COL4A3: variants seen among roughly 807,000 people sequenced by gnomAD.
COL4A3 encodes collagen type IV alpha 3 chain, also known as collagen alpha-3(IV) chain.
In COL4A3, 135 loss-of-function variants were observed where a neutral mutation model predicts 217.4. The ratio of observed to expected loss-of-function variants is 0.62; its 90% CI spans 0.54 to 0.72. The LOEUF is 0.72. COL4A3 is among the 30% of genes least tolerant of loss of function. The pLI is 0.00. For missense variants in COL4A3, 1,868 were observed against 2,119.9 expected (o/e 0.88, Z 2.33); for synonymous variants, 690 against 736.3 (o/e 0.94, Z 1.02).
intron 50 of COL4A3, among the ~76,000 whole-genome samples, chr2:227,309,841 G>A (rs2073673597): frequency 6.6e-6 from 1 of 151,974 alleles, no homozygotes; most frequent in Admixed American, 6.6e-5. Flanking sequence ...TGCCCAGGCT[G>A]GTCTCAAACT....
At position 227,308,838 on chromosome 2, in the gene COL4A3, T is replaced by C. The variant is rs1052616472; in HGVS notation, c.4463-61T>C. ...TACATTTAAATTAGCTTCTCTCTAG[T>C]AACGATGCTGAAAATAACTTTAACT... On this transcript the variant is annotated intron_variant, in intron 48 of 51. Transcript: ENST00000396578. 4 of 1,539,288 alleles carry C rather than the reference T, an allele frequency of 2.6e-6. No individual in the cohort carries two copies. The Admixed American group carries it at 6.7e-5, about 26-fold the overall frequency.
chr2:227,203,361 A>ACC (rs1375526386), intron 1 of COL4A3, among the ~76,000 whole-genome samples: 2 of 39,694 alleles, frequency 5.0e-5, no homozygotes, highest in South Asian at 9.1e-4. Flanking sequence ...GTGTATATAT[A>ACC]CATATATGTG....
Position 227,309,224 on chromosome 2 carries a change from C to G in COL4A3, c.4661C>G (p.Pro1554Arg), listed in dbSNP as rs1221621618. 1 of 1,614,210 alleles carries G rather than the reference C, an allele frequency of 6.2e-7. No individual in the cohort carries two copies. Among genetic ancestry groups the G allele is most frequent in the South Asian group, 1.1e-5 (1 of 91,086 alleles). The change falls in exon 50 of 52, where the codon CCT (proline) becomes CGT (arginine). Residue 1554 changes from proline (P) to arginine (R), a missense_variant. By Grantham distance (103) the Pro-to-Arg change is moderately radical (BLOSUM62 -2). Coordinates refer to ENST00000396578, the MANE Select transcript of COL4A3 (RefSeq NM_000091.5). ...TACAGATGCACTGTTTGTGAAGGTC[C>G]TGCGATCGCCATAGCCGTTCACAGC... ...YISRCTVCEG[P>R]AIAIAVHSQT...
rs1553758893 is a variant in COL4A3, at chr2:227,277,450, T to TATCCCTGG, written c.2031_2038dup (p.Gly680AspfsTer70). On this transcript the variant is annotated frameshift_variant and splice_region_variant, in exon 28 of 52. Transcript: ENST00000396578. LOFTEE classifies it high-confidence loss of function. ...TGCATATGTGTATTTGTTTCTAAGG[T>TATCCCTGG]ATCCCTGGATCCCTGGGGAAATGTG... is the stretch of plus-strand genomic sequence containing the variant. The TATCCCTGG allele has an allele frequency of 1.1e-5, 17 of 1,598,702 alleles. No homozygotes were observed. The highest frequency in any genetic ancestry group is 1.4e-5 in the Non-Finnish European group (16 of 1,167,678).
chr2:227,210,222 A>G (rs1329975074), intron 1 of COL4A3, among the ~76,000 whole-genome samples: 1 of 152,246 alleles, frequency 6.6e-6, no homozygotes, highest in Non-Finnish European at 1.5e-5. Flanking sequence ...TTTAACAAGC[A>G]TTGCAAAGCT....
intron 1 of COL4A3, among the ~76,000 whole-genome samples, chr2:227,165,301 A>G (rs1052753574): frequency 6.6e-6 from 1 of 152,162 alleles, no homozygotes; most frequent in African/African-American, 2.4e-5. Flanking sequence ...TCTGGGGCTC[A>G]GTTTCTTCCT....
intron 11 of COL4A3, among the ~76,000 whole-genome samples, chr2:227,252,586 GCACA>G (rs59472907): frequency 0.17 from 24,729 of 146,080 alleles, 2,136 homozygotes; most frequent in South Asian, 0.23. Flanking sequence ...ACACACAAAT[GCACA>G]CACACACACA....
intron 1 of COL4A3, among the ~76,000 whole-genome samples, chr2:227,196,452 G>C (rs977790427): frequency 3.3e-5 from 5 of 151,116 alleles, no homozygotes; most frequent in Non-Finnish European, 5.9e-5. Context: ...CGAGTAGCTG[G>C]GACTACAGGC....
chr2:227,279,734 G>A, intron 28 of COL4A3, 59 bp from the exon 29 acceptor site: 1 of 1,217,368 alleles, frequency 8.2e-7, no homozygotes, highest in Non-Finnish European at 1.2e-6. Context: ...GAGAGTTACT[G>A]CTCAGAATAT....
intron 1 of COL4A3, among the ~76,000 whole-genome samples, chr2:227,236,230 A>G (rs1162655037): frequency 1.3e-5 from 2 of 152,224 alleles, no homozygotes; most frequent in African/African-American, 4.8e-5. Context: ...TATTTTTCGT[A>G]TAATGACTTA....
At chr2:227,207,870 G>T (rs1032529039) in intron 1 of COL4A3, among the ~76,000 whole-genome samples, 60 of 152,306 alleles carry the variant, frequency 3.9e-4, no homozygotes, top group Non-Finnish European at 1.8e-4. Context: ...GGAGTGTCTG[G>T]TGAAGGGGAG....
intron 1 of COL4A3, among the ~76,000 whole-genome samples, chr2:227,230,752 G>A (rs1293630152): frequency 1.3e-5 from 2 of 152,192 alleles, no homozygotes; most frequent in African/African-American, 4.8e-5. Context: ...CAGCATTAGT[G>A]AGAGAAATTA....
intron 1 of COL4A3, among the ~76,000 whole-genome samples, chr2:227,188,471 G>T (rs78713266): frequency 6.6e-6 from 1 of 151,174 alleles, no homozygotes; most frequent in East Asian, 1.9e-4. Flanking sequence ...AGGGATATCC[G>T]GTCAGGTCAG....
intron 3 of COL4A3, 60 bp downstream of exon 3, chr2:227,240,292 C>T: frequency 1.4e-6 from 2 of 1,470,576 alleles, no homozygotes; most frequent in Non-Finnish European, 1.9e-6. Context: ...CCTGCCTACC[C>T]CCTGGCTGCT....
At chr2:227,272,855 C>A in intron 25 of COL4A3, 94 bp from the exon 26 acceptor site, 1 of 1,287,948 alleles carries the variant, frequency 7.8e-7, no homozygotes, top group Non-Finnish European at 1.1e-6. Flanking sequence ...ATCTCAATGA[C>A]AGCCTAACTG....
intron 1 of COL4A3, among the ~76,000 whole-genome samples, chr2:227,213,272 G>A (rs1374014975): frequency 6.6e-6 from 1 of 152,052 alleles, no homozygotes; most frequent in Non-Finnish European, 1.5e-5. Context: ...ACCAGCCCAA[G>A]GTCACACAGT....
At chr2:227,268,616 G>A (rs1469645243) in intron 23 of COL4A3, 1 of 152,234 alleles carries the variant, frequency 6.6e-6, no homozygotes, top group Non-Finnish European at 1.5e-5. Flanking sequence ...TGTCCCCTCA[G>A]ATCCCACTCA....
At chr2:227,260,158 G>A in intron 19 of COL4A3, 1 of 580,168 alleles carries the variant, frequency 1.7e-6, no homozygotes, top group Non-Finnish European at 3.2e-6. Context: ...GGGAGTGCAA[G>A]GCATTGGCAA....
chr2:227,168,862 T>C (rs2065370755), intron 1 of COL4A3, among the ~76,000 whole-genome samples: 1 of 149,602 alleles, frequency 6.7e-6, no homozygotes, highest in African/African-American at 2.5e-5. Context: ...TCAAATAGTA[T>C]ATTCTTTCCT....
Sources: gnomAD v4.1 joint callset for allele counts (sites outside exome capture counted in the v4.1 genomes callset) on GRCh38, gnomAD v4.1.1 for gene constraint, MANE v1.5 for transcripts, NCBI Gene and HGNC (gene_info 2026-07-23, HGNC 2026-07-21) for gene names.